FLNB: variants seen among roughly 807,000 people sequenced by gnomAD.
FLNB encodes filamin B.
In FLNB, 111 loss-of-function variants were observed where a neutral mutation model predicts 250.6. The observed-to-expected ratio is 0.44, with a 90% CI of 0.38 to 0.52. The LOEUF is 0.52. FLNB is among the 20% of genes least tolerant of loss of function. FLNB has a pLI of 0.00. For missense variants in FLNB, 2,869 were observed against 3,447.8 expected (o/e 0.83, Z 4.20); for synonymous variants, 1,302 against 1,372.1 (o/e 0.95, Z 1.13).
At chr3:58,120,540 C>CT (rs2097286972) in intron 19 of FLNB, among the ~76,000 whole-genome samples, 1 of 152,178 alleles carries the variant, frequency 6.6e-6, no homozygotes, top group Non-Finnish European at 1.5e-5. Flanking sequence ...ACTTGGGCTT[C>CT]CTGCAGCCCT....
chr3:58,123,253 C>A lies in FLNB; in HGVS notation c.3287C>A (p.Ser1096Tyr). 6.2e-7 allele frequency: 1 copy of A among 1,614,162 alleles called. No individual in the cohort carries two copies. The highest frequency in any genetic ancestry group is 8.5e-7 in the Non-Finnish European group (1 of 1,180,040). Residue 1096 changes from serine (S) to tyrosine (Y), a missense_variant, in exon 21 of 46, where the codon TCC becomes TAC. Coordinates refer to ENST00000295956, the MANE Select transcript of FLNB (RefSeq NM_001457.4). ...TCCGACAATGGTGATGGGACCTGCT[C>A]CGTCTCTTACCTTCCCACAAAACCC... is the stretch of plus-strand genomic sequence containing the variant. ...ECSDNGDGTC[S>Y]VSYLPTKPGE...
chr3:58,063,010 G>A (rs775048104), intron 1 of FLNB, among the ~76,000 whole-genome samples: 8 of 152,168 alleles, frequency 5.3e-5, no homozygotes, highest in Non-Finnish European at 1.0e-4. Context: ...TTACTCCATC[G>A]TATCACCGCA....
Position 58,169,167 on chromosome 3 carries a change from T to G in FLNB, c.7418-423T>G. On this transcript the variant is annotated intron_variant, in intron 44 of 45. Coordinates refer to ENST00000295956, the MANE Select transcript of FLNB (RefSeq NM_001457.4). The surrounding 1 kb of genome is among the most constrained non-coding windows in gnomAD (Gnocchi z 4.8). ...GAATGTAGGTTCATCGCAGGAAAAT[T>G]AGAAAATTCAGATAGAAAAATCATC... The G allele has an allele frequency of 3.7e-6, 1 of 271,806 alleles. No individual in the cohort carries two copies. The highest frequency in any genetic ancestry group is 5.0e-5 in the Admixed American group (1 of 20,094). The allele number at this position is 271,806 out of a possible 1,614,324, so 16.8% of individuals were successfully genotyped here.
intron 1 of FLNB, among the ~76,000 whole-genome samples, chr3:58,069,293 G>T (rs2097190758): frequency 7.0e-6 from 1 of 141,912 alleles, no homozygotes; most frequent in East Asian, 2.0e-4. Flanking sequence ...AGGCTGGAGT[G>T]CAATGGAGTG....
At chr3:58,045,745 A>G (rs1288066183) in intron 1 of FLNB, among the ~76,000 whole-genome samples, 1 of 152,174 alleles carries the variant, frequency 6.6e-6, no homozygotes, top group African/African-American at 2.4e-5. Flanking sequence ...CATGCCTGTA[A>G]TCCCAGCACT....
intron 41 of FLNB, among the ~76,000 whole-genome samples, chr3:58,156,286 G>C (rs1262842307): frequency 6.6e-6 from 1 of 152,216 alleles, no homozygotes; most frequent in African/African-American, 2.4e-5. Flanking sequence ...CAAAAACAGA[G>C]CCACAGTCAA....
chr3:58,117,962 C>T (rs962738555), intron 18 of FLNB, among the ~76,000 whole-genome samples: 4 of 152,204 alleles, frequency 2.6e-5, no homozygotes, highest in African/African-American at 9.7e-5. Context: ...GTCTCTCCCT[C>T]ACACTTTCCT....
At chr3:58,149,384 G>C (rs890571820) in intron 36 of FLNB, 48 of 254,714 alleles carry the variant, frequency 1.9e-4, no homozygotes, top group African/African-American at 9.4e-4. Context: ...CTAACCCGGG[G>C]AGAGGGCTGG....
At chr3:58,085,403 C>G (rs1194555854) in intron 4 of FLNB, among the ~76,000 whole-genome samples, 2 of 152,250 alleles carry the variant, frequency 1.3e-5, no homozygotes, top group Non-Finnish European at 2.9e-5. Context: ...TGTGTGACCA[C>G]ATTGCTTCAT....
At position 58,109,335 on chromosome 3, in the gene FLNB, G is replaced by A. The variant is rs1157541768; in HGVS notation, c.2199+13G>A. ...CAGCCCCTACAGGGTAGGTTGTGAG[G>A]CAGAATCCTGGCTGTTTTATGGAAA... On this transcript the variant is annotated intron_variant, in intron 14 of 45. Coordinates refer to ENST00000295956, the MANE Select transcript of FLNB (RefSeq NM_001457.4). 4 of 1,610,824 alleles carry A rather than the reference G, an allele frequency of 2.5e-6. No homozygotes were observed. The East Asian group carries it at 6.7e-5, about 27-fold the overall frequency.
intron 4 of FLNB, among the ~76,000 whole-genome samples, chr3:58,094,273 G>A (rs2097233829): frequency 1.3e-5 from 2 of 152,166 alleles, no homozygotes; most frequent in South Asian, 4.1e-4. Flanking sequence ...TCACCATGTT[G>A]GCCAGGCTGG....
rs1350556067 is a variant in FLNB, at chr3:58,123,222, G to A, written c.3256G>A (p.Glu1086Lys). 8.1e-6 allele frequency: 13 copies of A among 1,613,970 alleles called. No individual in the cohort carries two copies. The highest frequency in any genetic ancestry group is 2.2e-5 in the South Asian group (2 of 91,068). ...TVEGPCEAKI[E>K]CSDNGDGTCS... ...GGAAGGTCCGTGCGAGGCCAAAATC[G>A]AGTGCTCCGACAATGGTGATGGGAC... The change falls in exon 21 of 46, where the codon GAG becomes AAG. Residue 1086 changes from glutamate (E) to lysine (K), a missense_variant. Physicochemically the swap from Glu to Lys is moderately conservative, Grantham distance 56. Around this residue, in one of 5 missense-constraint regions of FLNB, gnomAD observed 1,348 missense variants for 1,466.7 expected, o/e 0.92. Transcript: ENST00000295956.
intron 29 of FLNB, among the ~76,000 whole-genome samples, chr3:58,140,820 G>A (rs374045988): frequency 6.6e-6 from 1 of 152,158 alleles, no homozygotes; most frequent in Non-Finnish European, 1.5e-5. Context: ...TGTTGGCCAG[G>A]CTGGTAACTC....
intron 1 of FLNB, among the ~76,000 whole-genome samples, chr3:58,061,647 G>T (rs1339637149): frequency 2.0e-5 from 3 of 151,784 alleles, no homozygotes; most frequent in African/African-American, 7.3e-5. Flanking sequence ...AGGAAGCTGA[G>T]TCGGGAGCCT....
At position 58,169,364 on chromosome 3, in the gene FLNB, G is replaced by GAAA. The variant is rs2097377089; in HGVS notation, c.7418-226_7418-225insAAA. 6.9e-6 allele frequency: 4 copies of GAAA among 580,972 alleles called. No homozygotes were observed. The South Asian group carries it at 7.6e-5, about 11-fold the overall frequency. 36.0% of individuals were successfully genotyped at this position (580,972 alleles called of 1,614,324 possible). A position where few individuals can be genotyped will look rare whatever the true frequency, so the allele number is the denominator to read the frequency against. On this transcript the variant is annotated intron_variant, in intron 44 of 45. Coordinates refer to ENST00000295956, the MANE Select transcript of FLNB (RefSeq NM_001457.4). This position sits in a 1 kb window ranked among gnomAD's most constrained non-coding sequence, Gnocchi z 4.8. ...GAGGGTCCTTGGCCTTGTCAGCCAA[G>GAAA]GCCAGACTCATCCATTTGCCCAGAA...
chr3:58,097,099 C>T (rs3772997), intron 6 of FLNB, among the ~76,000 whole-genome samples: 1 of 152,126 alleles, frequency 6.6e-6, no homozygotes, highest in African/African-American at 2.4e-5. Flanking sequence ...GAAGAAAGCC[C>T]TCAACAGCAC....
chr3:58,150,138 G>T lies in FLNB; in HGVS notation c.6278G>T (p.Gly2093Val). 1 of 1,614,122 alleles carries T rather than the reference G, an allele frequency of 6.2e-7. No individual in the cohort carries two copies. The highest frequency in any genetic ancestry group is 2.2e-5 in the East Asian group (1 of 44,898). The change falls in exon 38 of 46, where the codon GGA becomes GTA. Residue 2093 changes from glycine (G) to valine (V), a missense_variant. Transcript: ENST00000295956. The stretch of plus-strand genomic sequence containing the variant: ...TTTACCGTGAAGATCAGTGGGGAGG[G>T]AAGAGTCAAAGAGAGCATCACCCGC... ...SPFTVKISGE[G>V]RVKESITRTS...
At chr3:58,044,651 A>G (rs1020254456) in intron 1 of FLNB, among the ~76,000 whole-genome samples, 2 of 152,064 alleles carry the variant, frequency 1.3e-5, no homozygotes, top group African/African-American at 4.8e-5. Flanking sequence ...AAATAAATAA[A>G]CAAATAATAT....
At chr3:58,167,006 T>C (rs2097371810) in intron 43 of FLNB, among the ~76,000 whole-genome samples, 1 of 151,830 alleles carries the variant, frequency 6.6e-6, no homozygotes, top group African/African-American at 2.4e-5. Flanking sequence ...CGAGTGCCTG[T>C]AATCCCAGCT....
Sources: gnomAD v4.1 joint callset for allele counts (sites outside exome capture counted in the v4.1 genomes callset) on GRCh38, gnomAD v4.1.1 for gene constraint, gnomAD v4.1.1 regional missense constraint, Gnocchi (gnomAD v3.1) non-coding constraint, MANE v1.5 for transcripts, NCBI Gene and HGNC (gene_info 2026-07-23, HGNC 2026-07-21) for gene names.